ANK2: variants seen among roughly 807,000 people sequenced by gnomAD.
ANK2 encodes the protein ankyrin-2.
In ANK2, 83 loss-of-function variants were observed where a neutral mutation model predicts 360.5. The ratio of observed to expected loss-of-function variants is 0.23; its 90% CI spans 0.19 to 0.28. The LOEUF (loss-of-function observed/expected upper bound fraction) is 0.28. ANK2 is among the 10% of genes least tolerant of loss of function. The pLI is 1.00. For missense variants in ANK2, 4,201 were observed against 4,795.7 expected (o/e 0.88, Z 3.66); for synonymous variants, 1,740 against 1,759.5 (o/e 0.99, Z 0.28).
At chr4:112,750,030 C>G in the ANK2 span, among the ~76,000 whole-genome samples, 1 of 152,114 alleles carries the variant, frequency 6.6e-6, no homozygotes, top group Non-Finnish European at 1.5e-5. Flanking sequence ...AGGCGTGAGC[C>G]ACCGCTCCTG....
At chr4:113,044,640 G>T (rs755724447) in intron 2 of ANK2, among the ~76,000 whole-genome samples, 1 of 152,126 alleles carries the variant, frequency 6.6e-6, no homozygotes, top group Non-Finnish European at 1.5e-5. Flanking sequence ...ACCCTCCCCT[G>T]CCTCTTCCCA....
chr4:113,193,172 G>T (rs897596611), intron 2 of ANK2, among the ~76,000 whole-genome samples: 2 of 152,116 alleles, frequency 1.3e-5, no homozygotes, highest in African/African-American at 4.8e-5. Flanking sequence ...GTTAATGAAG[G>T]CTTAGTAAAT....
Position 113,329,008 on chromosome 4 carries a change from T to TAA in ANK2, c.2901-1237_2901-1236dup, listed in dbSNP as rs1234043084. On this transcript the variant is annotated intron_variant, in intron 26 of 45. Coordinates refer to ENST00000357077, the MANE Select transcript of ANK2 (RefSeq NM_001148.6). ...AGTTGGTTCTGTGCTGAGCAGATTATAAGCAGAGACATGATACACCTGTAT... is the reference window on the plus strand; with the variant it reads ...AGTTGGTTCTGTGCTGAGCAGATTATAAAAGCAGAGACATGATACACCTGTAT... Among the ~76,000 whole-genome samples, 10 of 152,332 alleles carry TAA rather than the reference T, an allele frequency of 6.6e-5. No homozygotes were observed. The East Asian group carries it at 1.9e-3, about 29-fold the overall frequency.
At chr4:113,074,747 AC>A (rs1488169412) in intron 1 of ANK2, among the ~76,000 whole-genome samples, 1 of 152,206 alleles carries the variant, frequency 6.6e-6, no homozygotes, top group Non-Finnish European at 1.5e-5. Flanking sequence ...TTCTGTGAAT[AC>A]CCAGTGACTA....
chr4:113,032,445 C>A (rs1251247743), intron 2 of ANK2, among the ~76,000 whole-genome samples: 2 of 152,012 alleles, frequency 1.3e-5, no homozygotes, highest in East Asian at 3.9e-4. Context: ...TCATTCCCAT[C>A]TTCACCCTTT....
the ANK2 span, among the ~76,000 whole-genome samples, chr4:112,791,813 C>T: frequency 1.3e-5 from 2 of 151,744 alleles, no homozygotes; most frequent in Admixed American, 6.6e-5. Context: ...TCTAAAGCAG[C>T]CTATACTTTG....
chr4:112,761,600 A>T, the ANK2 span, among the ~76,000 whole-genome samples: 1 of 152,192 alleles, frequency 6.6e-6, no homozygotes, highest in Non-Finnish European at 1.5e-5. Context: ...AGCCTGGGCA[A>T]CACAGTGAGA....
chr4:112,876,137 G>A (rs1003388387), intron 1 of ANK2, among the ~76,000 whole-genome samples: 6 of 151,652 alleles, frequency 4.0e-5, no homozygotes, highest in African/African-American at 1.2e-4. Context: ...TAATCAATCC[G>A]TTTTCAATGC....
the ANK2 span, among the ~76,000 whole-genome samples, chr4:112,790,484 CTTTT>C: frequency 4.6e-3 from 518 of 113,748 alleles, 3 homozygotes; most frequent in Non-Finnish European, 6.4e-3. Context: ...CTTTTCTTTT[CTTTT>C]TTTTTTTTTT....
At chr4:113,327,652 A>G (rs1217059538) in intron 26 of ANK2, among the ~76,000 whole-genome samples, 1 of 152,204 alleles carries the variant, frequency 6.6e-6, no homozygotes, top group Non-Finnish European at 1.5e-5. Context: ...TTATTATGGC[A>G]CTTTTATGGC....
chr4:112,790,016 C>T, the ANK2 span, among the ~76,000 whole-genome samples: 1 of 152,190 alleles, frequency 6.6e-6, no homozygotes, highest in African/African-American at 2.4e-5. Flanking sequence ...GGAGCAACCA[C>T]TGCCTTTTTG....
At chr4:112,805,727 G>T in the ANK2 span, among the ~76,000 whole-genome samples, 1 of 151,964 alleles carries the variant, frequency 6.6e-6, no homozygotes, top group South Asian at 2.1e-4. Context: ...GATTACAGGC[G>T]CATGCCACCA....
intron 4 of ANK2, among the ~76,000 whole-genome samples, chr4:113,207,262 T>A (rs72673479): frequency 6.6e-6 from 1 of 152,374 alleles, no homozygotes; most frequent in Non-Finnish European, 1.5e-5. Flanking sequence ...AAAGGCTGAA[T>A]CCTGCTTGTC....
At chr4:112,826,411 T>C in intron 1 of ANK2, 2 of 1,028,468 alleles carry the variant, frequency 1.9e-6, no homozygotes, top group East Asian at 2.4e-5. Context: ...GAAGTAACAC[T>C]TTCCCTACCA....
chr4:112,831,698 T>C (rs1321876867), intron 1 of ANK2, among the ~76,000 whole-genome samples: 1 of 152,180 alleles, frequency 6.6e-6, no homozygotes, highest in African/African-American at 2.4e-5. Flanking sequence ...AGCTTTGTTT[T>C]TTCGCTCTTC....
At chr4:113,292,686 C>A (rs2068381349) in intron 21 of ANK2, among the ~76,000 whole-genome samples, 172 bp downstream of exon 21, 1 of 152,142 alleles carries the variant, frequency 6.6e-6, no homozygotes, top group African/African-American at 2.4e-5. Context: ...TGTGACTTCC[C>A]CAGAAGTGCT....
chr4:113,334,335 A>G (rs1279076119), intron 29 of ANK2, among the ~76,000 whole-genome samples: 1 of 152,156 alleles, frequency 6.6e-6, no homozygotes. Flanking sequence ...GTTCCCTACA[A>G]TATTTAGCTG....
chr4:113,282,978 CAG>C, intron 18 of ANK2, 106 bp downstream of exon 18: 4 of 1,274,688 alleles, frequency 3.1e-6, no homozygotes, highest in Non-Finnish European at 4.5e-6. Flanking sequence ...TAAAAAGAAA[CAG>C]GGATATCTTA....
chr4:112,925,111 T>A (rs2092356499), intron 2 of ANK2, among the ~76,000 whole-genome samples: 1 of 152,188 alleles, frequency 6.6e-6, no homozygotes, highest in African/African-American at 2.4e-5. Context: ...GTGCTGGGAT[T>A]ACAGGCGTGA....
Sources: gnomAD v4.1 joint callset for allele counts (sites outside exome capture counted in the v4.1 genomes callset) on GRCh38, gnomAD v4.1.1 for gene constraint, MANE v1.5 for transcripts, NCBI Gene and HGNC (gene_info 2026-07-23, HGNC 2026-07-21) for gene names.